Variants in CCDC18 observed in about 807,000 individuals in gnomAD.
The protein encoded by CCDC18 is coiled-coil domain-containing protein 18.
CCDC18 carries 157 observed loss-of-function variants against 196.0 expected under a neutral mutation model. The ratio of observed to expected loss-of-function variants is 0.80; its 90% CI spans 0.70 to 0.91. The LOEUF (loss-of-function observed/expected upper bound fraction) is 0.91. Among genes scored for constraint, CCDC18 ranks in the 40% least tolerant of loss-of-function variants. The pLI, the probability that CCDC18 is intolerant of heterozygous loss-of-function variation, is 0.00. For missense variants in CCDC18, 1,465 were observed against 1,611.6 expected (o/e 0.91, Z 1.56); for synonymous variants, 482 against 529.2 (o/e 0.91, Z 1.22).
At chr1:93,207,001 A>C in intron 8 of CCDC18, 106 bp from the exon 9 acceptor site, 1 of 620,408 alleles carries the variant, frequency 1.6e-6, no homozygotes, top group South Asian at 2.9e-5. Context: ...AGCAGGTATT[A>C]TTTTAGAATT....
intron 28 of CCDC18, among the ~76,000 whole-genome samples, chr1:93,275,418 C>T (rs545169771): frequency 1.4e-4 from 21 of 152,234 alleles, no homozygotes; most frequent in African/African-American, 5.1e-4. Flanking sequence ...CTGAAAGAGA[C>T]ATTTTAAATT....
intron 25 of CCDC18, 23 bp downstream of exon 25, chr1:93,256,561 T>C: frequency 6.4e-7 from 1 of 1,563,356 alleles, no homozygotes; most frequent in Non-Finnish European, 8.8e-7. Context: ...TTAAATAATC[T>C]TATGTATCTG....
At chr1:93,261,359 G>A (rs181571192) in intron 26 of CCDC18, among the ~76,000 whole-genome samples, 8 of 151,858 alleles carry the variant, frequency 5.3e-5, no homozygotes, top group African/African-American at 1.4e-4. Context: ...ATTTTTGAAC[G>A]TTAATAATTT....
At chr1:93,265,336 T>C (rs1012064560) in intron 27 of CCDC18, among the ~76,000 whole-genome samples, 1 of 152,206 alleles carries the variant, frequency 6.6e-6, no homozygotes. Flanking sequence ...AAGGCATCAT[T>C]ATATTATGGC....
chr1:93,195,341 C>G (rs1266642234), intron 6 of CCDC18, among the ~76,000 whole-genome samples: 1 of 152,154 alleles, frequency 6.6e-6, no homozygotes, highest in Non-Finnish European at 1.5e-5. Flanking sequence ...GAAAGACAGG[C>G]TGGATCCAGA....
intron 21 of CCDC18, among the ~76,000 whole-genome samples, chr1:93,242,254 AC>A (rs1457066727): frequency 6.6e-6 from 1 of 152,166 alleles, no homozygotes; most frequent in Non-Finnish European, 1.5e-5. Flanking sequence ...AGTTTAATGG[AC>A]TCACAGTTCC....
At chr1:93,198,921 A>G (rs1345821250) in intron 6 of CCDC18, among the ~76,000 whole-genome samples, 2 of 152,210 alleles carry the variant, frequency 1.3e-5, no homozygotes, top group Non-Finnish European at 2.9e-5. Context: ...TGCAAGTATT[A>G]TAGGCATGAG....
Position 93,192,121 on chromosome 1 carries a change from T to C in CCDC18, c.569+15T>C, listed in dbSNP as rs1440884244. On this transcript the variant is annotated intron_variant, in intron 5 of 28. Transcript: ENST00000690025. ...AAAGTTTTGAGGTAAATATACTTTT[T>C]ATAGCTCTCAAAGTTTTATTTTCTA... 2.0e-6 allele frequency: 3 copies of C among 1,493,246 alleles called. No individual in the cohort carries two copies. The highest frequency in any genetic ancestry group is 3.4e-5 in the Admixed American group (2 of 58,300). 92.5% of individuals were successfully genotyped at this position (1,493,246 alleles called of 1,614,324 possible). A position where few individuals can be genotyped will look rare whatever the true frequency, so the allele number is the denominator to read the frequency against.
chr1:93,206,877 A>T (rs1202812537), intron 8 of CCDC18, among the ~76,000 whole-genome samples: 1 of 152,134 alleles, frequency 6.6e-6, no homozygotes, highest in Admixed American at 6.5e-5. Context: ...TAGGAAAGTT[A>T]TATAACCTTT....
At chr1:93,217,293 T>G (rs1656661803) in intron 13 of CCDC18, among the ~76,000 whole-genome samples, 1 of 152,224 alleles carries the variant, frequency 6.6e-6, no homozygotes, top group Admixed American at 6.5e-5. Context: ...ATATGCTTCT[T>G]GATATTTAAA....
At chr1:93,254,914 T>G (rs1398658993) in intron 24 of CCDC18, among the ~76,000 whole-genome samples, 1 of 148,032 alleles carries the variant, frequency 6.8e-6, no homozygotes, top group Admixed American at 6.7e-5. Flanking sequence ...ATTGAGAAGC[T>G]GCTATGTAAT....
intron 6 of CCDC18, 119 bp downstream of exon 6, chr1:93,193,863 CTT>C: frequency 3.0e-6 from 2 of 675,524 alleles, no homozygotes; most frequent in East Asian, 3.6e-5. Flanking sequence ...AATAAATTAA[CTT>C]AATGTTCTTT....
intron 23 of CCDC18, among the ~76,000 whole-genome samples, chr1:93,249,002 T>C (rs913281505): frequency 6.7e-6 from 1 of 150,048 alleles, no homozygotes; most frequent in Non-Finnish European, 1.5e-5. Flanking sequence ...AAATGTTCCC[T>C]CCTCTTCAAT....
chr1:93,256,203 T>G (rs1159066458), intron 24 of CCDC18, 132 bp from the exon 25 acceptor site: 2 of 718,266 alleles, frequency 2.8e-6, no homozygotes, highest in Non-Finnish European at 4.6e-6. Context: ...GTATGTTAAA[T>G]TTTAACATAC....
At chr1:93,216,242 A>C (rs1285729444) in intron 12 of CCDC18, among the ~76,000 whole-genome samples, 2 of 152,254 alleles carry the variant, frequency 1.3e-5, no homozygotes. Context: ...AAAATGAACC[A>C]TTGATAATTC....
At chr1:93,204,192 G>A (rs548103370) in intron 7 of CCDC18, among the ~76,000 whole-genome samples, 3 of 152,030 alleles carry the variant, frequency 2.0e-5, no homozygotes, top group Admixed American at 2.0e-4. Flanking sequence ...ATGGCACAAG[G>A]GTCTGAATGA....
At chr1:93,219,508 A>C (rs1657065663) in intron 14 of CCDC18, among the ~76,000 whole-genome samples, 1 of 152,246 alleles carries the variant, frequency 6.6e-6, no homozygotes, top group African/African-American at 2.4e-5. Flanking sequence ...ATACCATGGC[A>C]GTTGATCTGA....
chr1:93,252,170 T>A (rs934769606), intron 23 of CCDC18, among the ~76,000 whole-genome samples: 11 of 152,096 alleles, frequency 7.2e-5, no homozygotes, highest in Admixed American at 1.3e-4. Context: ...TGTGAGTAGC[T>A]GGGATTACAG....
chr1:93,231,621 A>G (rs1224384247), intron 17 of CCDC18, among the ~76,000 whole-genome samples: 1 of 152,214 alleles, frequency 6.6e-6, no homozygotes, highest in Non-Finnish European at 1.5e-5. Flanking sequence ...TTGGATTACT[A>G]GGACAAAGGG....
Sources: allele counts gnomAD v4.1 joint callset (sites outside exome capture counted in the v4.1 genomes callset), GRCh38; gene constraint gnomAD v4.1.1; transcripts MANE v1.5; gene names NCBI Gene and HGNC (gene_info 2026-07-23, HGNC 2026-07-21).